Variants in HECTD4 observed in about 807,000 individuals in gnomAD.
HECTD4 encodes HECT domain E3 ubiquitin protein ligase 4, also known as probable E3 ubiquitin-protein ligase HECTD4.
A neutral mutation model predicts 471.5 loss-of-function variants in HECTD4; 114 were observed. The ratio of observed to expected loss-of-function variants is 0.24; its 90% CI spans 0.21 to 0.28. The LOEUF is 0.28. Ranked by LOEUF, HECTD4 falls within the 10% of genes least tolerant of loss-of-function variation. HECTD4 has a pLI of 1.00. For synonymous variants in HECTD4, 2,012 were observed against 2,256.0 expected, an observed-to-expected ratio of 0.89 and a Z score of 3.07; for missense variants, 3,866 against 5,651.5, an observed-to-expected ratio of 0.68 and a Z score of 10.13.
chr12:112,184,807 G>A lies in HECTD4; in HGVS notation c.10159C>T (p.Gln3387Ter). ...VTSDAIADAC[Q>*]ALVGPTAHSR... ...TGGGCGGTGGGGCCCACCAGGGCCTGGCAGGCATCGGCGATGGCGTCACTC... is the reference window on the plus strand; with the variant it reads ...TGGGCGGTGGGGCCCACCAGGGCCTAGCAGGCATCGGCGATGGCGTCACTC... Residue 3387 changes from glutamine (Q) to a stop codon, truncating the protein, a stop_gained, in exon 61 of 76, where the codon CAG becomes TAG. Transcript: ENST00000682272. LOFTEE classifies it high-confidence loss of function. The surrounding 1 kb of genome is among the most constrained non-coding windows in gnomAD (Gnocchi z 9.1). 1 of 1,610,102 alleles carries A rather than the reference G, an allele frequency of 6.2e-7. No individual in the cohort carries two copies. Among genetic ancestry groups the A allele is most frequent in the Non-Finnish European group, 8.5e-7 (1 of 1,177,416 alleles).
intron 66 of HECTD4, among the ~76,000 whole-genome samples, 156 bp downstream of exon 66, chr12:112,175,580 A>T (rs1423424781): frequency 6.6e-6 from 1 of 152,250 alleles, no homozygotes; most frequent in African/African-American, 2.4e-5. Context: ...TGGGTTAGAA[A>T]ACCCATTTAG....
intron 7 of HECTD4, among the ~76,000 whole-genome samples, chr12:112,285,295 AC>A (rs1175404177): frequency 1.3e-5 from 2 of 151,902 alleles, no homozygotes; most frequent in Non-Finnish European, 1.5e-5. Flanking sequence ...GATTAGACCT[AC>A]CCCTGGTGTC....
intron 7 of HECTD4, chr12:112,302,122 A>G (rs2035178184): frequency 8.7e-7 from 1 of 1,154,348 alleles, no homozygotes; most frequent in Non-Finnish European, 1.3e-6. Flanking sequence ...TCCCCTTGAT[A>G]ATGCAGTAAG....
At chr12:112,309,140 C>G (rs1434805836) in intron 5 of HECTD4, among the ~76,000 whole-genome samples, 2 of 152,208 alleles carry the variant, frequency 1.3e-5, no homozygotes, top group Admixed American at 1.3e-4. Context: ...ACAAGGCTTT[C>G]AAACTGTAGT....
chr12:112,302,679 T>C, intron 7 of HECTD4: 1 of 505,842 alleles, frequency 2.0e-6, no homozygotes, highest in Non-Finnish European at 3.5e-6. Context: ...TCTTGGGCAG[T>C]GGGAGGCCAG....
At chr12:112,169,362 TG>T in intron 70 of HECTD4, 140 bp downstream of exon 70, 2 of 976,440 alleles carry the variant, frequency 2.0e-6, no homozygotes, top group Non-Finnish European at 2.9e-6. Flanking sequence ...GAGGCCACTC[TG>T]GGTGCAGACC....
At position 112,216,344 on chromosome 12, in the gene HECTD4, G is replaced by A; in HGVS notation, c.7413C>T (p.Gly2471=). 3.9e-6 allele frequency: 6 copies of A among 1,555,704 alleles called. No homozygotes were observed. Among genetic ancestry groups the A allele is most frequent in the Non-Finnish European group, 5.2e-6 (6 of 1,148,994 alleles). The part of the protein sequence containing the change: ...HNNGRAVHYN[G]SSLLQWKSVR... ...CGCTCTTCCACTGTAACAAACTGGA[G>A]CCATTATAGTGCACGGCTCGGCCGT... Residue 2471 remains glycine (G), a synonymous_variant, in exon 48 of 76, where the codon GGC becomes GGT. Coordinates refer to ENST00000682272, the MANE Select transcript of HECTD4 (RefSeq NM_001388303.1).
chr12:112,190,751 C>A (rs1457569614), intron 60 of HECTD4, 35 bp downstream of exon 60: 1 of 1,529,878 alleles, frequency 6.5e-7, no homozygotes, highest in Non-Finnish European at 8.8e-7. Context: ...TCCACCCCCA[C>A]CCTAGATTCC....
At chr12:112,198,440 C>T (rs1328989808) in intron 55 of HECTD4, among the ~76,000 whole-genome samples, 1 of 152,194 alleles carries the variant, frequency 6.6e-6, no homozygotes, top group Non-Finnish European at 1.5e-5. Context: ...TTTGAATGTA[C>T]TCCATGGGAA....
At chr12:112,253,743 AGAG>A (rs2033947971) in intron 22 of HECTD4, among the ~76,000 whole-genome samples, 1 of 152,232 alleles carries the variant, frequency 6.6e-6, no homozygotes, top group East Asian at 1.9e-4. Flanking sequence ...CAGGGAGTGT[AGAG>A]GAGAACTAAG....
intron 1 of HECTD4, among the ~76,000 whole-genome samples, chr12:112,356,007 C>T (rs998352419): frequency 2.0e-5 from 3 of 151,936 alleles, no homozygotes; most frequent in Non-Finnish European, 4.4e-5. Flanking sequence ...GAATTTCTAG[C>T]GGGGTGATAA....
At chr12:112,172,571 C>T (rs778740987) in intron 67 of HECTD4, 100 bp downstream of exon 67, 27 of 1,206,276 alleles carry the variant, frequency 2.2e-5, no homozygotes, top group Middle Eastern at 2.7e-4. Context: ...AGTGTTCGTT[C>T]GATGGACGTC....
intron 2 of HECTD4, among the ~76,000 whole-genome samples, chr12:112,316,214 T>C (rs1327078375): frequency 6.6e-6 from 1 of 152,122 alleles, no homozygotes; most frequent in Non-Finnish European, 1.5e-5. Flanking sequence ...GTCAGTTTTG[T>C]CACTCGCCAC....
chr12:112,326,157 C>A (rs2035739386), intron 1 of HECTD4, among the ~76,000 whole-genome samples: 1 of 152,138 alleles, frequency 6.6e-6, no homozygotes, highest in Non-Finnish European at 1.5e-5. Flanking sequence ...GTAAAATATT[C>A]TTTGCTGGCC....
chr12:112,191,882 C>CAGACAGA (rs1341231747), intron 59 of HECTD4, among the ~76,000 whole-genome samples: 3 of 152,150 alleles, frequency 2.0e-5, no homozygotes, highest in African/African-American at 7.2e-5. Context: ...GCTAAAAGTT[C>CAGACAGA]ACATGTTTTC....
At chr12:112,171,342 C>A in intron 67 of HECTD4, 79 bp from the exon 68 acceptor site, 1 of 1,536,932 alleles carries the variant, frequency 6.5e-7, no homozygotes, top group South Asian at 1.2e-5. Flanking sequence ...ACAGGCAACC[C>A]TATCACTGCG....
rs577420315 is a variant in HECTD4 at position 112,362,706 on chromosome 12, A to T, written c.177+19246T>A. On this transcript the variant is annotated intron_variant, in intron 1 of 75. Coordinates refer to ENST00000682272, the MANE Select transcript of HECTD4 (RefSeq NM_001388303.1). Reference sequence around the variant, plus strand: ...TATTCTCTCTTGAACTAATTCTAAAATTTTTTTTTTTTTTTGAGATGGGGT... The same window carrying T: ...TATTCTCTCTTGAACTAATTCTAAATTTTTTTTTTTTTTTTGAGATGGGGT... Among the ~76,000 whole-genome samples the T allele has an allele frequency of 3.0e-4, 43 of 144,848 alleles. No individual in the cohort carries two copies. In the South Asian group the frequency reaches 4.6e-3, roughly 15 times the overall value.
chr12:112,253,666 T>G (rs183709040), intron 22 of HECTD4, among the ~76,000 whole-genome samples: 1 of 152,318 alleles, frequency 6.6e-6, no homozygotes, highest in African/African-American at 2.4e-5. Context: ...AGGCCCAAAT[T>G]CATCTGAACA....
At chr12:112,165,976 C>G (rs140101068) in intron 72 of HECTD4, among the ~76,000 whole-genome samples, 2 of 152,362 alleles carry the variant, frequency 1.3e-5, no homozygotes, top group African/African-American at 4.8e-5. Context: ...TCCACTGATA[C>G]AAGTCGAGAG....
Sources: gnomAD v4.1 joint callset for allele counts (sites outside exome capture counted in the v4.1 genomes callset) on GRCh38, gnomAD v4.1.1 for gene constraint, Gnocchi (gnomAD v3.1) non-coding constraint, MANE v1.5 for transcripts, NCBI Gene and HGNC (gene_info 2026-07-23, HGNC 2026-07-21) for gene names.